Variants in PIK3R4 observed in about 807,000 individuals in gnomAD.
PIK3R4 encodes phosphoinositide 3-kinase regulatory subunit 4.
PIK3R4 carries 46 observed loss-of-function variants against 136.5 expected under a neutral mutation model. The ratio of observed to expected loss-of-function variants is 0.34; its 90% CI spans 0.27 to 0.43. The LOEUF (loss-of-function observed/expected upper bound fraction) is 0.43, where lower values mean the gene tolerates loss of function less well. Ranked by LOEUF, PIK3R4 falls within the 20% of genes least tolerant of loss-of-function variation. The pLI is 1.00. For missense variants in PIK3R4, 1,331 were observed against 1,649.5 expected (o/e 0.81, Z 3.35); for synonymous variants, 557 against 566.7 (o/e 0.98, Z 0.24).
At chr3:130,725,137 A>G (rs1335040654) in intron 6 of PIK3R4, among the ~76,000 whole-genome samples, 2 of 151,976 alleles carry the variant, frequency 1.3e-5, no homozygotes, top group African/African-American at 4.8e-5. Flanking sequence ...TGAAATGTAC[A>G]ATGAGCTAAA....
At chr3:130,727,192 T>C (rs1350556757) in intron 6 of PIK3R4, among the ~76,000 whole-genome samples, 1 of 152,178 alleles carries the variant, frequency 6.6e-6, no homozygotes, top group East Asian at 1.9e-4. Flanking sequence ...CAGCAAACCT[T>C]TCCTAGATTA....
Position 130,744,790 on chromosome 3 carries a change from T to A in PIK3R4, c.429A>T (p.Gly143=). The A allele has an allele frequency of 6.2e-7, 1 of 1,614,258 alleles. No homozygotes were observed. Among genetic ancestry groups the A allele is most frequent in the Non-Finnish European group, 8.5e-7 (1 of 1,180,046 alleles). Residue 143 remains glycine (G), a synonymous_variant, in exon 2 of 20, where the codon GGA becomes GGT. Transcript: ENST00000356763. ...CAGTCTTGATGTCCCCATGACGAACTCCAGATTTGTGTGCTTGGTCCACAG... is the reference window on the plus strand; with the variant it reads ...CAGTCTTGATGTCCCCATGACGAACACCAGATTTGTGTGCTTGGTCCACAG... ...LTAVDQAHKS[G]VRHGDIKTEN...
intron 2 of PIK3R4, among the ~76,000 whole-genome samples, chr3:130,744,030 G>A (rs1212647614): frequency 1.3e-5 from 2 of 152,110 alleles, no homozygotes; most frequent in Admixed American, 1.3e-4. Context: ...CTATTAAAGA[G>A]GCCTTTCTTG....
At chr3:130,720,563 A>C (rs910014196) in intron 7 of PIK3R4, among the ~76,000 whole-genome samples, 3 of 152,226 alleles carry the variant, frequency 2.0e-5, no homozygotes, top group Non-Finnish European at 4.4e-5. Flanking sequence ...AGGAGTAACA[A>C]AGAAATCATA....
chr3:130,745,588 A>C (rs1002243224), intron 1 of PIK3R4, among the ~76,000 whole-genome samples: 1 of 152,188 alleles, frequency 6.6e-6, no homozygotes, highest in South Asian at 2.1e-4. Flanking sequence ...TTATTTTCTC[A>C]TATTTAAATT....
chr3:130,712,992 C>T (rs747072843), intron 9 of PIK3R4, among the ~76,000 whole-genome samples: 2 of 152,240 alleles, frequency 1.3e-5, no homozygotes, highest in Non-Finnish European at 2.9e-5. Flanking sequence ...CTGAAACTTA[C>T]TGCACTATAT....
Position 130,730,289 on chromosome 3 carries a change from G to A in PIK3R4, c.1585+19C>T. Reference sequence around the variant, plus strand: ...TTCATTCTAAATAACAGGAAATCTGGAAGAGAAAATTATACAACCTGTGTC... The same window carrying A: ...TTCATTCTAAATAACAGGAAATCTGAAAGAGAAAATTATACAACCTGTGTC... On this transcript the variant is annotated intron_variant, in intron 5 of 19. Transcript: ENST00000356763. 2 of 1,571,150 alleles carry A rather than the reference G, an allele frequency of 1.3e-6. No individual in the cohort carries two copies. Among genetic ancestry groups the A allele is most frequent in the Non-Finnish European group, 1.7e-6 (2 of 1,158,870 alleles).
chr3:130,711,114 T>C (rs1039202883), intron 9 of PIK3R4, among the ~76,000 whole-genome samples: 1 of 151,766 alleles, frequency 6.6e-6, no homozygotes, highest in Non-Finnish European at 1.5e-5. Flanking sequence ...GTTAAGTCCA[T>C]AAACATACCC....
At chr3:130,704,090 G>A (rs2066594306) in intron 12 of PIK3R4, among the ~76,000 whole-genome samples, 1 of 152,160 alleles carries the variant, frequency 6.6e-6, no homozygotes, top group Non-Finnish European at 1.5e-5. Context: ...TGGCAATTAA[G>A]TGTTGCTTAA....
intron 2 of PIK3R4, among the ~76,000 whole-genome samples, chr3:130,740,428 C>A (rs1449667273): frequency 1.3e-5 from 2 of 152,076 alleles, no homozygotes; most frequent in Non-Finnish European, 2.9e-5. Flanking sequence ...TTGTAACAGA[C>A]TATACCTCAT....
chr3:130,735,778 A>G, intron 3 of PIK3R4, 91 bp downstream of exon 3: 3 of 1,216,846 alleles, frequency 2.5e-6, no homozygotes, highest in South Asian at 1.5e-5. Context: ...GCTTGATTCC[A>G]AATTTACAAC....
intron 8 of PIK3R4, among the ~76,000 whole-genome samples, chr3:130,718,160 G>A (rs567397796): frequency 6.6e-6 from 1 of 152,194 alleles, no homozygotes; most frequent in African/African-American, 2.4e-5. Flanking sequence ...ATGAACTACT[G>A]TACGCTACAT....
At chr3:130,723,733 G>C (rs1223608227) in intron 6 of PIK3R4, 146 bp from the exon 7 acceptor site, 2 of 589,800 alleles carry the variant, frequency 3.4e-6, no homozygotes, top group Non-Finnish European at 5.5e-6. Context: ...GCATGATAAA[G>C]TTAAAAAGAC....
Position 130,716,444 on chromosome 3 carries a change from C to T in PIK3R4, c.2283G>A (p.Pro761=), listed in dbSNP as rs200119453. Residue 761 remains proline, a synonymous_variant, in exon 9 of 20, where the codon CCG becomes CCA. Transcript: ENST00000356763. The part of the protein sequence containing the change: ...KRNGSLPDCP[P]PEDPAIAQLL... ...GCTGTGCTATGGCAGGATCCTCTGG[C>T]GGAGGGCAGTCGGGAAGAGAACCAT... 1.0e-4 allele frequency: 167 copies of T among 1,614,136 alleles called. No homozygotes were observed. Among genetic ancestry groups the T allele is most frequent in the Non-Finnish European group, 1.3e-4 (159 of 1,180,008 alleles).
At chr3:130,725,575 T>C (rs1466425564) in intron 6 of PIK3R4, among the ~76,000 whole-genome samples, 1 of 141,304 alleles carries the variant, frequency 7.1e-6, no homozygotes, top group Admixed American at 7.4e-5. Context: ...AGACTTTACA[T>C]ACAAAAGTAG....
chr3:130,703,136 G>A (rs1402427534), intron 13 of PIK3R4, among the ~76,000 whole-genome samples: 2 of 151,972 alleles, frequency 1.3e-5, no homozygotes, highest in Non-Finnish European at 2.9e-5. Context: ...TCCTCTACTC[G>A]GAACTCTTCA....
chr3:130,714,890 T>C (rs138744239), intron 9 of PIK3R4, among the ~76,000 whole-genome samples: 8 of 152,162 alleles, frequency 5.3e-5, no homozygotes, highest in Non-Finnish European at 1.0e-4. Context: ...CTATTGTAAA[T>C]AGTGCTACAA....
chr3:130,680,748 A>C (rs1172053049), intron 18 of PIK3R4, 27 bp from the exon 19 acceptor site: 5 of 1,390,040 alleles, frequency 3.6e-6, no homozygotes, highest in African/African-American at 1.4e-5. Context: ...AAATGATGAC[A>C]ATCTCTTCAG....
intron 2 of PIK3R4, among the ~76,000 whole-genome samples, chr3:130,741,925 G>T (rs116993830): frequency 6.6e-6 from 1 of 152,174 alleles, no homozygotes; most frequent in African/African-American, 2.4e-5. Context: ...CAACGGTATC[G>T]ATGGGTTCTT....
Sources: allele counts gnomAD v4.1 joint callset (sites outside exome capture counted in the v4.1 genomes callset), GRCh38; gene constraint gnomAD v4.1.1; transcripts MANE v1.5; gene names NCBI Gene and HGNC (gene_info 2026-07-23, HGNC 2026-07-21).